Variants in KCTD16 observed in about 807,000 individuals in gnomAD.
KCTD16 encodes the protein potassium channel tetramerization domain containing 16.
Under a neutral mutation model 33.2 loss-of-function variants are expected in KCTD16, and 13 were observed. That is an observed-to-expected ratio of 0.39 (90% CI 0.25 to 0.62). The LOEUF (loss-of-function observed/expected upper bound fraction) is 0.62, where lower values mean the gene tolerates loss of function less well. Among genes scored for constraint, KCTD16 ranks in the 20% least tolerant of loss-of-function variants. The pLI, the probability that KCTD16 is intolerant of heterozygous loss-of-function variation, is 0.50. For synonymous variants in KCTD16, 197 were observed against 195.3 expected, an observed-to-expected ratio of 1.01 and a Z score of -0.07; for missense variants, 441 against 525.1, an observed-to-expected ratio of 0.84 and a Z score of 1.57.
At chr5:144,215,942 A>G (rs1035135945) in intron 3 of KCTD16, among the ~76,000 whole-genome samples, 1 of 152,244 alleles carries the variant, frequency 6.6e-6, no homozygotes, top group African/African-American at 2.4e-5. Context: ...TAAACCCCTT[A>G]AAAGGCTTTG....
chr5:144,411,323 G>A (rs866865093), intron 3 of KCTD16, among the ~76,000 whole-genome samples: 1 of 152,036 alleles, frequency 6.6e-6, no homozygotes, highest in Non-Finnish European at 1.5e-5. Flanking sequence ...CATAATAGTG[G>A]CATAAAAATG....
chr5:144,465,189 CTCT>C (rs1180152529), intron 3 of KCTD16, among the ~76,000 whole-genome samples: 2,214 of 112,580 alleles, frequency 0.02, 143 homozygotes, highest in African/African-American at 0.028. Flanking sequence ...TCTCCCCCCC[CTCT>C]CTCTCTCACT....
At chr5:144,427,605 T>A (rs1753360329) in intron 3 of KCTD16, among the ~76,000 whole-genome samples, 1 of 152,136 alleles carries the variant, frequency 6.6e-6, no homozygotes, top group Non-Finnish European at 1.5e-5. Flanking sequence ...CACAAATTTG[T>A]CTGCATCTTC....
At chr5:144,298,865 C>T (rs1207405374) in intron 3 of KCTD16, among the ~76,000 whole-genome samples, 1 of 151,098 alleles carries the variant, frequency 6.6e-6, no homozygotes, top group Non-Finnish European at 1.5e-5. Context: ...AGTCCTTTCT[C>T]TTTTCCTCCT....
chr5:144,297,047 G>A (rs990692992), intron 3 of KCTD16, among the ~76,000 whole-genome samples: 7 of 152,112 alleles, frequency 4.6e-5, no homozygotes, highest in South Asian at 2.1e-4. Flanking sequence ...TCACCTAAAC[G>A]CAAGATGTGC....
intron 3 of KCTD16, among the ~76,000 whole-genome samples, chr5:144,330,411 C>CAAAAAAAAAAAAAAAAA: frequency 1.1e-5 from 1 of 87,412 alleles, no homozygotes; most frequent in Non-Finnish European, 2.2e-5. Flanking sequence ...GAAACTCCAT[C>CAAAAAAAAAAAAAAAAA]AAAAAAAAAA....
At chr5:144,414,367 G>A (rs1476921150) in intron 3 of KCTD16, among the ~76,000 whole-genome samples, 2 of 152,126 alleles carry the variant, frequency 1.3e-5, no homozygotes, top group Admixed American at 6.5e-5. Context: ...CCTTCAGAGT[G>A]CACTAAGAGT....
chr5:144,216,844 GAA>G (rs374252586), intron 3 of KCTD16, among the ~76,000 whole-genome samples: 11 of 121,158 alleles, frequency 9.1e-5, no homozygotes, highest in East Asian at 4.7e-4. Flanking sequence ...ACTCTGTCTG[GAA>G]AAAAAAAAAA....
At chr5:144,267,217 A>T (rs914968220) in intron 3 of KCTD16, among the ~76,000 whole-genome samples, 2 of 152,186 alleles carry the variant, frequency 1.3e-5, no homozygotes, top group Non-Finnish European at 2.9e-5. Flanking sequence ...TCTGTGTCAG[A>T]TGGCCTGGTT....
chr5:144,480,016 A>G lies in KCTD16; in HGVS notation c.*5902A>G, dbSNP rs754350614. On this transcript the variant is annotated 3_prime_UTR_variant, in exon 4 of 4. Coordinates refer to ENST00000512467, the MANE Select transcript of KCTD16 (RefSeq NM_020768.4). ...TTTAGAATTGACCTTTAGATAATTT[A>G]CCTGCATTTGCACAGTGAAAAATCA... is the stretch of plus-strand genomic sequence containing the variant. The G allele has an allele frequency of 8.5e-5, 13 of 152,130 alleles. No individual in the cohort carries two copies. The highest frequency in any genetic ancestry group is 1.5e-4 in the Non-Finnish European group (10 of 67,956). 9.4% of individuals were successfully genotyped at this position (152,130 alleles called of 1,614,324 possible). A position where few individuals can be genotyped will look rare whatever the true frequency, so the allele number is the denominator to read the frequency against.
intron 3 of KCTD16, among the ~76,000 whole-genome samples, chr5:144,325,399 G>T (rs1243895340): frequency 6.6e-6 from 1 of 152,086 alleles, no homozygotes; most frequent in Admixed American, 6.6e-5. Flanking sequence ...ATTGCTCCCA[G>T]GATACGGTCT....
At chr5:144,296,117 AG>A in intron 3 of KCTD16, among the ~76,000 whole-genome samples, 1 of 152,320 alleles carries the variant, frequency 6.6e-6, no homozygotes, top group East Asian at 1.9e-4. Flanking sequence ...TTGCATGCAA[AG>A]CAACTTCAGT....
intron 2 of KCTD16, among the ~76,000 whole-genome samples, chr5:144,180,303 C>G (rs1432298528): frequency 6.6e-6 from 1 of 152,108 alleles, no homozygotes; most frequent in Non-Finnish European, 1.5e-5. Context: ...TTATTTTGTT[C>G]AGGGCAAGGG....
chr5:144,448,610 C>G (rs1302510132), intron 3 of KCTD16, among the ~76,000 whole-genome samples: 1 of 152,048 alleles, frequency 6.6e-6, no homozygotes, highest in East Asian at 1.9e-4. Flanking sequence ...GGATTCTTAT[C>G]AGCAGTTGCA....
At chr5:144,408,882 C>T (rs1752870205) in intron 3 of KCTD16, among the ~76,000 whole-genome samples, 1 of 152,178 alleles carries the variant, frequency 6.6e-6, no homozygotes. Context: ...ATGTCTCCCA[C>T]TTTCTTAACT....
Position 144,281,011 on chromosome 5 carries a change from C to G in KCTD16, c.832+73465C>G, listed in dbSNP as rs988039395. On this transcript the variant is annotated intron_variant, in intron 3 of 3. Transcript: ENST00000512467. The stretch of plus-strand genomic sequence containing the variant: ...CGGAGGTTGCAGTGAAACCCCGTCT[C>G]TACTAAACAAAATACAAAAAATTAG... 2.0e-5 allele frequency among the ~76,000 whole-genome samples: 3 copies of G among 148,594 alleles called. 1 individual carries two copies. Among genetic ancestry groups the G allele is most frequent in the South Asian group, 4.2e-4 (2 of 4,772 alleles).
At chr5:144,231,261 A>G (rs1754094379) in intron 3 of KCTD16, among the ~76,000 whole-genome samples, 1 of 151,996 alleles carries the variant, frequency 6.6e-6, no homozygotes. Flanking sequence ...CCTTTCAGCT[A>G]TATGCCTTAT....
At chr5:144,276,167 A>G (rs768600606) in intron 3 of KCTD16, among the ~76,000 whole-genome samples, 21 of 152,216 alleles carry the variant, frequency 1.4e-4, no homozygotes, top group Non-Finnish European at 2.5e-4. Context: ...TGAATTTGGT[A>G]TGTATCATTG....
intron 3 of KCTD16, among the ~76,000 whole-genome samples, chr5:144,398,708 A>ACTCTCTCTCTCTCTCTCTCTCTCTCT (rs367796082): frequency 8.1e-4 from 118 of 145,508 alleles, no homozygotes; most frequent in African/African-American, 2.8e-3. Context: ...ACACACACAC[A>ACTCTCTCTCTCTCTCTCTCTCTCTCT]CTCTCTCTCT....
Sources: allele counts gnomAD v4.1 joint callset (sites outside exome capture counted in the v4.1 genomes callset), GRCh38; gene constraint gnomAD v4.1.1; transcripts MANE v1.5; gene names NCBI Gene and HGNC (gene_info 2026-07-23, HGNC 2026-07-21).